The following HOMER2 variants were observed in gnomAD, a reference collection of about 807,000 sequenced individuals.
HOMER2 encodes homer protein homolog 2.
A neutral mutation model predicts 47.0 loss-of-function variants in HOMER2; 27 were observed. The ratio of observed to expected loss-of-function variants is 0.57; its 90% CI spans 0.42 to 0.79. HOMER2 has a LOEUF of 0.79. Among genes scored for constraint, HOMER2 ranks in the 30% least tolerant of loss-of-function variants. The probability of loss-of-function intolerance (pLI) is 0.00; values close to 1 mark genes in which losing one functional copy is unlikely to be tolerated. For synonymous variants in HOMER2, 161 were observed against 163.8 expected, an observed-to-expected ratio of 0.98 and a Z score of 0.13; for missense variants, 443 against 435.0, an observed-to-expected ratio of 1.02 and a Z score of -0.16.
chr15:82,853,232 C>T (rs1404155431), intron 6 of HOMER2, among the ~76,000 whole-genome samples: 5 of 152,222 alleles, frequency 3.3e-5, no homozygotes, highest in Admixed American at 6.5e-5. Context: ...TCCAAGGGAG[C>T]GAGTTGTGCG....
chr15:82,920,826 C>T (rs2053709168), intron 1 of HOMER2, among the ~76,000 whole-genome samples: 3 of 151,864 alleles, frequency 2.0e-5, no homozygotes, highest in Non-Finnish European at 4.4e-5. Context: ...TTTAGCCTAC[C>T]ACTCTGGGGG....
chr15:82,869,777 G>A (rs571511356), intron 3 of HOMER2, among the ~76,000 whole-genome samples: 16 of 152,162 alleles, frequency 1.1e-4, no homozygotes, highest in East Asian at 3.9e-4. Flanking sequence ...CATCTTGATC[G>A]CTACATATTA....
intron 1 of HOMER2, among the ~76,000 whole-genome samples, chr15:82,903,799 A>G (rs2053204923): frequency 6.6e-6 from 1 of 152,220 alleles, no homozygotes. Context: ...ATTCGAGACC[A>G]GCTCGCACAA....
chr15:82,929,193 T>C (rs1469003879), intron 1 of HOMER2, among the ~76,000 whole-genome samples: 1 of 152,086 alleles, frequency 6.6e-6, no homozygotes, highest in African/African-American at 2.4e-5. Flanking sequence ...GTAATCTGAA[T>C]AATGCCTTCA....
At chr15:82,972,506 A>G in intron 1 of HOMER2, among the ~76,000 whole-genome samples, 1 of 152,062 alleles carries the variant, frequency 6.6e-6, no homozygotes, top group Non-Finnish European at 1.5e-5. Flanking sequence ...GTGCCACCAC[A>G]CCTGGCTAAT....
chr15:82,866,333 T>C (rs1186874578), intron 3 of HOMER2, among the ~76,000 whole-genome samples: 1 of 152,248 alleles, frequency 6.6e-6, no homozygotes, highest in Admixed American at 6.5e-5. Context: ...CCATTTGGAA[T>C]AGGTGTATTT....
chr15:82,898,176 C>T (rs546772815), intron 1 of HOMER2, among the ~76,000 whole-genome samples: 1 of 152,356 alleles, frequency 6.6e-6, no homozygotes, highest in African/African-American at 2.4e-5. Flanking sequence ...ACAGAGACCT[C>T]ACCACAAAAT....
chr15:82,845,806 C>T (rs975821938), downstream of HOMER2: 2 of 152,140 alleles, frequency 1.3e-5, no homozygotes, highest in Non-Finnish European at 2.9e-5. Flanking sequence ...TGGCTCTCAT[C>T]CAAAATTGTC....
intron 1 of HOMER2, among the ~76,000 whole-genome samples, chr15:82,947,985 G>A (rs919769581): frequency 4.6e-5 from 7 of 152,210 alleles, no homozygotes; most frequent in Non-Finnish European, 8.8e-5. Context: ...CAAAGGTAGG[G>A]CTGGGGCCCA....
Position 82,898,399 on chromosome 15 carries a change from C to T in HOMER2, c.6-5558G>A, listed in dbSNP as rs1456829905. On this transcript the variant is annotated intron_variant, in intron 1 of 8. Transcript: ENST00000450735. Reference sequence around the variant, plus strand: ...AGAGGACAGAAATTACCTTCATATCCAAATTTATTCTCCTTCCTTTGATGT... The same window carrying T: ...AGAGGACAGAAATTACCTTCATATCTAAATTTATTCTCCTTCCTTTGATGT... 3 of 152,292 alleles carry T rather than the reference C, an allele frequency of 2.0e-5. No individual in the cohort carries two copies. In the East Asian group the frequency reaches 5.8e-4, roughly 29 times the overall value. 9.4% of individuals were successfully genotyped at this position (152,292 alleles called of 1,614,324 possible). A position where few individuals can be genotyped will look rare whatever the true frequency, so the allele number is the denominator to read the frequency against.
intron 1 of HOMER2, among the ~76,000 whole-genome samples, chr15:82,979,609 G>T (rs1017164912): frequency 6.6e-6 from 1 of 152,036 alleles, no homozygotes. Context: ...GTGACATGAA[G>T]GAATGAAGAG....
chr15:82,927,902 G>A (rs2053894400), intron 1 of HOMER2, among the ~76,000 whole-genome samples: 2 of 151,556 alleles, frequency 1.3e-5, no homozygotes, highest in Non-Finnish European at 2.9e-5. Context: ...ACCGGGAGGC[G>A]GAAGTTGCAG....
chr15:82,836,033 C>T (rs1287976539), downstream of HOMER2: 1 of 152,202 alleles, frequency 6.6e-6, no homozygotes, highest in East Asian at 1.9e-4. Context: ...TTTCTAAGGG[C>T]TGCCAAACAC....
chr15:82,858,989 A>C (rs780839918), intron 5 of HOMER2, 40 bp downstream of exon 5: 2 of 1,595,658 alleles, frequency 1.3e-6, no homozygotes, highest in African/African-American at 1.3e-5. Context: ...GAAGTGCTGA[A>C]GGTGGAGAAA....
intron 1 of HOMER2, among the ~76,000 whole-genome samples, chr15:82,897,164 T>C (rs1377141521): frequency 6.7e-6 from 1 of 149,294 alleles, no homozygotes; most frequent in Non-Finnish European, 1.5e-5. Flanking sequence ...CCTCCTGGGT[T>C]TAAGCAATTC....
At chr15:82,948,897 G>A (rs1405545362) in intron 1 of HOMER2, among the ~76,000 whole-genome samples, 2 of 152,246 alleles carry the variant, frequency 1.3e-5, no homozygotes, top group Non-Finnish European at 2.9e-5. Context: ...AGGCTTCTGT[G>A]TGAAAAATGG....
At chr15:82,935,907 C>T (rs1333623792) in intron 1 of HOMER2, among the ~76,000 whole-genome samples, 7 of 152,212 alleles carry the variant, frequency 4.6e-5, no homozygotes, top group Non-Finnish European at 1.0e-4. Context: ...CCCCACAGAG[C>T]AGAAGTGTGC....
intron 4 of HOMER2, among the ~76,000 whole-genome samples, chr15:82,860,992 A>G (rs1407811583): frequency 2.7e-5 from 4 of 150,774 alleles, no homozygotes; most frequent in Non-Finnish European, 5.9e-5. Context: ...AAAGCGAAAG[A>G]GAAAGGAAAG....
chr15:82,950,344 G>T, intron 1 of HOMER2, among the ~76,000 whole-genome samples: 1 of 152,130 alleles, frequency 6.6e-6, no homozygotes, highest in Non-Finnish European at 1.5e-5. Context: ...ATCTCAAGTT[G>T]GGGGGAGGTA....
Sources: gnomAD v4.1 joint callset for allele counts (sites outside exome capture counted in the v4.1 genomes callset) on GRCh38, gnomAD v4.1.1 for gene constraint, MANE v1.5 for transcripts, NCBI Gene and HGNC (gene_info 2026-07-23, HGNC 2026-07-21) for gene names.